YWHAG: variants seen among roughly 807,000 people sequenced by gnomAD.
YWHAG encodes tyrosine 3-monooxygenase/tryptophan 5-monooxygenase activation protein gamma.
A neutral mutation model predicts 23.3 loss-of-function variants in YWHAG; 1 was observed. The ratio of observed to expected loss-of-function variants is 0.04; its 90% CI spans 0.02 to 0.20. YWHAG has a LOEUF of 0.20. Ranked by LOEUF, YWHAG falls within the 10% of genes least tolerant of loss-of-function variation. The probability of loss-of-function intolerance (pLI) is 1.00; values close to 1 mark genes in which losing one functional copy is unlikely to be tolerated. For missense variants in YWHAG, 151 were observed against 338.6 expected (o/e 0.45, Z 4.35); for synonymous variants, 160 against 144.0 (o/e 1.11, Z -0.80).
At chr7:76,337,693 C>A (rs112503073) in intron 1 of YWHAG, among the ~76,000 whole-genome samples, 1 of 152,016 alleles carries the variant, frequency 6.6e-6, no homozygotes, top group Non-Finnish European at 1.5e-5. Flanking sequence ...CACCACCACA[C>A]CCAGCTAAAC....
intron 1 of YWHAG, among the ~76,000 whole-genome samples, chr7:76,349,679 C>T (rs1803845098): frequency 6.6e-6 from 1 of 152,124 alleles, no homozygotes; most frequent in Non-Finnish European, 1.5e-5. Context: ...ATTGTTTGCC[C>T]TTCCTCAATA....
chr7:76,354,463 A>G (rs1803921533), intron 1 of YWHAG, among the ~76,000 whole-genome samples: 1 of 151,822 alleles, frequency 6.6e-6, no homozygotes, highest in South Asian at 2.1e-4. Flanking sequence ...GTGAGCCGAG[A>G]TACCACACCA....
chr7:76,329,477 C>G lies in YWHAG; in HGVS notation c.*100G>C. ...GTCGTGGGTTTCTCCCTGGGAAGGT[C>G]ATCCCTCCCTTTCCCTCCCCCACCC... is the stretch of plus-strand genomic sequence containing the variant. On this transcript the variant is annotated 3_prime_UTR_variant, in exon 2 of 2. Coordinates refer to ENST00000307630, the MANE Select transcript of YWHAG (RefSeq NM_012479.4). The surrounding 1 kb of genome is among the most constrained non-coding windows in gnomAD (Gnocchi z 6.1). 1 of 1,294,182 alleles carries G rather than the reference C, an allele frequency of 7.7e-7. No homozygotes were observed. The highest frequency in any genetic ancestry group is 1.0e-6 in the Non-Finnish European group (1 of 963,644). The allele number at this position is 1,294,182 out of a possible 1,614,324, so 80.2% of individuals were successfully genotyped here. A position where few individuals can be genotyped will look rare whatever the true frequency, so the allele number is the denominator to read the frequency against.
intron 1 of YWHAG, among the ~76,000 whole-genome samples, chr7:76,330,538 A>G (rs1336675235): frequency 6.6e-6 from 1 of 152,206 alleles, no homozygotes; most frequent in Non-Finnish European, 1.5e-5. Flanking sequence ...ATGAGTACAG[A>G]TGGTCTAACT....
chr7:76,329,498 CA>C lies in YWHAG; in HGVS notation c.*78del. On this transcript the variant is annotated 3_prime_UTR_variant, in exon 2 of 2. Coordinates refer to ENST00000307630, the MANE Select transcript of YWHAG (RefSeq NM_012479.4). This position sits in a 1 kb window ranked among gnomAD's most constrained non-coding sequence, Gnocchi z 6.1. ...AGGTCATCCCTCCCTTTCCCTCCCC[CA>C]CCCGACCCCCAACTCATGGGAAAAA... The C allele has an allele frequency of 1.4e-5, 17 of 1,215,268 alleles. No homozygotes were observed. Among genetic ancestry groups the C allele is most frequent in the East Asian group, 3.1e-5 (1 of 32,426 alleles). 75.3% of individuals were successfully genotyped at this position (1,215,268 alleles called of 1,614,324 possible). A position where few individuals can be genotyped will look rare whatever the true frequency, so the allele number is the denominator to read the frequency against.
intron 1 of YWHAG, among the ~76,000 whole-genome samples, chr7:76,352,926 C>T (rs934648661): frequency 3.9e-5 from 6 of 152,212 alleles, no homozygotes; most frequent in Non-Finnish European, 7.3e-5. Flanking sequence ...GCTGGGATTA[C>T]AGGCGTGAGC....
intron 1 of YWHAG, among the ~76,000 whole-genome samples, chr7:76,348,938 TA>T (rs1167186676): frequency 1.3e-5 from 2 of 152,150 alleles, no homozygotes; most frequent in Non-Finnish European, 2.9e-5. Context: ...ATTATCACTT[TA>T]TAAAACTGTT....
chr7:76,358,636 A>C (rs1804001084), intron 1 of YWHAG, 86 bp downstream of exon 1: 6 of 1,336,524 alleles, frequency 4.5e-6, no homozygotes, highest in Non-Finnish European at 6.1e-6. Flanking sequence ...CCATCGCGAC[A>C]GGGCGACGAA....
intron 1 of YWHAG, among the ~76,000 whole-genome samples, chr7:76,345,326 C>CA (rs1803762152): frequency 6.6e-6 from 1 of 151,640 alleles, no homozygotes; most frequent in South Asian, 2.1e-4. Context: ...GCTGGGACTA[C>CA]AGGCACCCGC....
intron 1 of YWHAG, among the ~76,000 whole-genome samples, chr7:76,343,942 CAAACT>C (rs1317870579): frequency 1.3e-5 from 2 of 152,126 alleles, no homozygotes; most frequent in Admixed American, 1.3e-4. Flanking sequence ...TTCACAGCTC[CAAACT>C]AAACTGACTT....
At chr7:76,358,677 C>T in intron 1 of YWHAG, 45 bp downstream of exon 1, 4 of 1,532,692 alleles carry the variant, frequency 2.6e-6, no homozygotes, top group Non-Finnish European at 3.5e-6. Flanking sequence ...AGGACCGCGT[C>T]TTCGGAGGGG....
At chr7:76,336,625 T>G (rs992725992) in intron 1 of YWHAG, among the ~76,000 whole-genome samples, 13 of 151,958 alleles carry the variant, frequency 8.6e-5, no homozygotes, top group Non-Finnish European at 4.4e-5. Flanking sequence ...TGGCTAAATT[T>G]TTGTATTTTT....
chr7:76,339,295 C>A (rs536186998), intron 1 of YWHAG, among the ~76,000 whole-genome samples: 42 of 152,066 alleles, frequency 2.8e-4, no homozygotes, highest in Admixed American at 9.2e-4. Flanking sequence ...TATGGTGAAA[C>A]CCCATCTCTA....
At chr7:76,338,372 TCA>T (rs1803644757) in intron 1 of YWHAG, among the ~76,000 whole-genome samples, 1 of 152,150 alleles carries the variant, frequency 6.6e-6, no homozygotes, top group South Asian at 2.1e-4. Context: ...AGCCAAGGTC[TCA>T]CAGATGAGAG....
Position 76,358,777 on chromosome 7 carries a change from G to A in YWHAG, c.32C>T (p.Ala11Val). The change falls in exon 1 of 2, where the codon GCC becomes GTC. Residue 11 changes from alanine to valine, a missense_variant. By Grantham distance (64) the Ala-to-Val change is moderately conservative (BLOSUM62 0). Transcript: ENST00000307630. MVDREQLVQK[A>V]RLAEQAERYD... ...GCGCTCCGCCTGCTCGGCCAGCCGG[G>A]CTTTCTGCACCAGTTGCTCGCGGTC... 1 of 1,597,344 alleles carries A rather than the reference G, an allele frequency of 6.3e-7. No individual in the cohort carries two copies. The highest frequency in any genetic ancestry group is 8.5e-7 in the Non-Finnish European group (1 of 1,173,296).
intron 1 of YWHAG, among the ~76,000 whole-genome samples, chr7:76,357,673 T>C (rs1803981275): frequency 6.6e-6 from 1 of 152,148 alleles, no homozygotes; most frequent in Non-Finnish European, 1.5e-5. Context: ...CTCAGATGCA[T>C]CTAACAACCA....
At chr7:76,351,916 G>C (rs1803880581) in intron 1 of YWHAG, among the ~76,000 whole-genome samples, 1 of 152,070 alleles carries the variant, frequency 6.6e-6, no homozygotes, top group African/African-American at 2.4e-5. Context: ...TGGAAAAACT[G>C]TCTTCCATGA....
intron 1 of YWHAG, among the ~76,000 whole-genome samples, chr7:76,358,416 T>G (rs905997799): frequency 6.6e-5 from 10 of 152,154 alleles, no homozygotes; most frequent in Non-Finnish European, 1.5e-4. Flanking sequence ...TCGGGTCCCC[T>G]GCACCCCTAG....
Position 76,343,389 on chromosome 7 carries a change from AC to A in YWHAG, c.88-13157del, listed in dbSNP as rs570460592. ...CCACCAGACTCAGACTCTTCCCATC[AC>A]ACCTCTCTCTGCTTCTTCACATTAA... On this transcript the variant is annotated intron_variant, in intron 1 of 1. Coordinates refer to ENST00000307630, the MANE Select transcript of YWHAG (RefSeq NM_012479.4). Among the ~76,000 whole-genome samples, 278 of 152,072 alleles carry A rather than the reference AC, an allele frequency of 1.8e-3. 8 individuals are homozygous for A. The highest frequency in any genetic ancestry group is 0.018 in the Admixed American group (273 of 15,254).
Sources: allele counts gnomAD v4.1 joint callset (sites outside exome capture counted in the v4.1 genomes callset), GRCh38; gene constraint gnomAD v4.1.1; non-coding constraint Gnocchi (gnomAD v3.1); transcripts MANE v1.5; gene names NCBI Gene and HGNC (gene_info 2026-07-23, HGNC 2026-07-21).